RANBP3L: variants seen among roughly 807,000 people sequenced by gnomAD.
RANBP3L encodes ran-binding protein 3-like.
A neutral mutation model predicts 67.2 loss-of-function variants in RANBP3L; 56 were observed. The ratio of observed to expected loss-of-function variants is 0.83; its 90% CI spans 0.67 to 1.04. The LOEUF is 1.04. Among genes scored for constraint, RANBP3L ranks in the 50% least tolerant of loss-of-function variants. RANBP3L has a pLI of 0.00. For missense variants in RANBP3L, 496 were observed against 535.5 expected (o/e 0.93, Z 0.73); for synonymous variants, 164 against 181.4 (o/e 0.90, Z 0.77).
Position 36,253,677 on chromosome 5 carries a change from T to G in RANBP3L, c.1137A>C (p.Glu379Asp). 1 of 1,609,530 alleles carries G rather than the reference T, an allele frequency of 6.2e-7. No homozygotes were observed. Among genetic ancestry groups the G allele is most frequent in the South Asian group, 1.1e-5 (1 of 90,922 alleles). ...TTAAAAATATTTTGATGCTATAGTCTTCTAAATCAGTAGCTGTTATTCGTA... is the reference window on the plus strand; with the variant it reads ...TTAAAAATATTTTGATGCTATAGTCGTCTAAATCAGTAGCTGTTATTCGTA... ...KNVRITATDLEDYSIKIFLIQ... is the reference protein window; with the variant it reads ...KNVRITATDLDDYSIKIFLIQ... The change falls in exon 12 of 14, where the codon GAA (glutamate) becomes GAC (aspartate). Residue 379 changes from glutamate (E) to aspartate (D), a missense_variant. Glu to Asp is a conservative substitution (Grantham distance 45). Coordinates refer to ENST00000296604, the MANE Select transcript of RANBP3L (RefSeq NM_145000.5).
At chr5:36,250,288 T>C (rs568699258) in intron 13 of RANBP3L, among the ~76,000 whole-genome samples, 1 of 152,090 alleles carries the variant, frequency 6.6e-6, no homozygotes, top group South Asian at 2.1e-4. Context: ...TAAAGACTAA[T>C]AAACCATTTG....
intron 13 of RANBP3L, among the ~76,000 whole-genome samples, chr5:36,249,905 T>A (rs1358705727): frequency 6.6e-6 from 1 of 151,932 alleles, no homozygotes; most frequent in Non-Finnish European, 1.5e-5. Flanking sequence ...AGCAACAAAG[T>A]GCAAAAAATT....
At chr5:36,297,449 A>ACG (rs1561150302) in intron 1 of RANBP3L, among the ~76,000 whole-genome samples, 1 of 146,080 alleles carries the variant, frequency 6.8e-6, no homozygotes, top group East Asian at 2.0e-4. Context: ...ACACACACGC[A>ACG]CACACACACA....
At chr5:36,261,461 T>C (rs1749382204) in intron 7 of RANBP3L, among the ~76,000 whole-genome samples, 2 of 152,068 alleles carry the variant, frequency 1.3e-5, no homozygotes, top group Non-Finnish European at 2.9e-5. Flanking sequence ...GTCATGTGAG[T>C]CAGTTTATAT....
intron 1 of RANBP3L, among the ~76,000 whole-genome samples, chr5:36,294,269 G>A (rs933422846): frequency 6.6e-6 from 1 of 151,866 alleles, no homozygotes; most frequent in Non-Finnish European, 1.5e-5. Context: ...ATTTTTTATT[G>A]TGTCTATTTG....
intron 1 of RANBP3L, among the ~76,000 whole-genome samples, chr5:36,278,971 A>G (rs1750790017): frequency 6.6e-6 from 1 of 152,206 alleles, no homozygotes; most frequent in East Asian, 1.9e-4. Flanking sequence ...TTTAAGCTGG[A>G]AGCATAAACT....
chr5:36,262,459 C>G lies in RANBP3L; in HGVS notation c.481-417G>C, dbSNP rs1420235364. Among the ~76,000 whole-genome samples the G allele has an allele frequency of 2.6e-5, 4 of 152,112 alleles. No homozygotes were observed. The East Asian group carries it at 7.7e-4, about 29-fold the overall frequency. The stretch of plus-strand genomic sequence containing the variant: ...CCTAAGAATGTCACCATCCTAGTCA[C>G]CCAATGTGAGAGAAAACCCCACTCA... On this transcript the variant is annotated intron_variant, in intron 6 of 13. Transcript: ENST00000296604.
At chr5:36,256,482 T>TGTGAAATTCTTGAATTAC (rs1282493767) in intron 10 of RANBP3L, among the ~76,000 whole-genome samples, 1 of 152,134 alleles carries the variant, frequency 6.6e-6, no homozygotes, top group African/African-American at 2.4e-5. Flanking sequence ...AGTGTGTATC[T>TGTGAAATTCTTGAATTAC]GTGAAATTCT....
chr5:36,282,692 C>A (rs777702797), intron 1 of RANBP3L, among the ~76,000 whole-genome samples: 1 of 152,154 alleles, frequency 6.6e-6, no homozygotes, highest in African/African-American at 2.4e-5. Context: ...CCACGGAGAA[C>A]AAGTCTTTGG....
At chr5:36,292,851 T>G (rs1751902393) in intron 1 of RANBP3L, among the ~76,000 whole-genome samples, 1 of 152,224 alleles carries the variant, frequency 6.6e-6, no homozygotes, top group Non-Finnish European at 1.5e-5. Flanking sequence ...TGCAGCTTCA[T>G]TCCTTTGGCT....
At chr5:36,287,251 G>C (rs557221905) in intron 1 of RANBP3L, among the ~76,000 whole-genome samples, 52 of 152,318 alleles carry the variant, frequency 3.4e-4, no homozygotes, top group African/African-American at 1.2e-3. Flanking sequence ...CTCACCTCCT[G>C]CTGTGTGACC....
intron 1 of RANBP3L, among the ~76,000 whole-genome samples, chr5:36,294,214 G>A (rs947427373): frequency 4.6e-5 from 7 of 152,014 alleles, no homozygotes; most frequent in Admixed American, 1.3e-4. Flanking sequence ...ATTCTCTGAT[G>A]GTGGTTTGTA....
At chr5:36,297,199 G>T (rs1752279278) in intron 1 of RANBP3L, among the ~76,000 whole-genome samples, 1 of 151,958 alleles carries the variant, frequency 6.6e-6, no homozygotes, top group Non-Finnish European at 1.5e-5. Context: ...ATAAGCTAGA[G>T]AAAAATGTTA....
intron 1 of RANBP3L, among the ~76,000 whole-genome samples, chr5:36,300,028 G>A (rs1242368504): frequency 1.3e-5 from 2 of 152,076 alleles, no homozygotes; most frequent in African/African-American, 4.8e-5. Flanking sequence ...GACTTCTTTA[G>A]GCTCACCCCC....
Position 36,251,462 on chromosome 5 carries a change from A to AT in RANBP3L, c.1204dup (p.Ile402AsnfsTer13). 1 of 1,612,490 alleles carries AT rather than the reference A, an allele frequency of 6.2e-7. No individual in the cohort carries two copies. Among genetic ancestry groups the AT allele is most frequent in the Non-Finnish European group, 8.5e-7 (1 of 1,179,042 alleles). On this transcript the variant is annotated frameshift_variant, in exon 13 of 14. Coordinates refer to ENST00000296604, the MANE Select transcript of RANBP3L (RefSeq NM_145000.5). LOFTEE classifies it high-confidence loss of function. ...TTGAAGTGCAACAAGACGATGATGT[A>AT]TTGCTGCATACAAATATGCTGTATC... is the stretch of plus-strand genomic sequence containing the variant.
intron 2 of RANBP3L, among the ~76,000 whole-genome samples, chr5:36,270,950 T>C (rs961195053): frequency 6.6e-6 from 1 of 152,252 alleles, no homozygotes; most frequent in African/African-American, 2.4e-5. Flanking sequence ...TGAGGACTCA[T>C]ATGAGGAGCT....
intron 4 of RANBP3L, chr5:36,268,098 G>A (rs1441938962): frequency 2.6e-6 from 2 of 757,908 alleles, no homozygotes; most frequent in Admixed American, 3.5e-5. Context: ...TAAAGTGTCA[G>A]CATTTTATGA....
chr5:36,263,462 C>T (rs1247992683), intron 6 of RANBP3L, among the ~76,000 whole-genome samples: 1 of 152,146 alleles, frequency 6.6e-6, no homozygotes, highest in Non-Finnish European at 1.5e-5. Context: ...ATTTATAGTG[C>T]ATGCCATTTT....
chr5:36,301,223 A>T (rs750844991), intron 1 of RANBP3L, 103 bp downstream of exon 1: 1 of 813,828 alleles, frequency 1.2e-6, no homozygotes, highest in Non-Finnish European at 2.1e-6. Flanking sequence ...CATCACTATT[A>T]TGTCAGAGCT....
Sources: allele counts gnomAD v4.1 joint callset (sites outside exome capture counted in the v4.1 genomes callset), GRCh38; gene constraint gnomAD v4.1.1; transcripts MANE v1.5; gene names NCBI Gene and HGNC (gene_info 2026-07-23, HGNC 2026-07-21).